SIRPB2: variants seen among roughly 807,000 people sequenced by gnomAD.
SIRPB2 encodes the protein signal regulatory protein beta 2.
Under a neutral mutation model 27.1 loss-of-function variants are expected in SIRPB2, and 18 were observed. The ratio of observed to expected loss-of-function variants is 0.66; its 90% CI spans 0.46 to 0.98. SIRPB2 has a LOEUF of 0.98. Ranked by LOEUF, SIRPB2 falls within the 50% of genes least tolerant of loss-of-function variation. The pLI is 0.00. For missense variants in SIRPB2, 420 were observed against 417.4 expected (o/e 1.01, Z -0.06); for synonymous variants, 150 against 164.6 (o/e 0.91, Z 0.68).
chr20:1,478,685 C>T (rs983544498), intron 2 of SIRPB2, 78 bp from the exon 3 acceptor site: 5 of 1,205,044 alleles, frequency 4.1e-6, no homozygotes, highest in South Asian at 1.6e-5. Flanking sequence ...GGTGTTTTCC[C>T]TCCCTTCCTT....
chr20:1,476,368 C>T, intron 4 of SIRPB2, 32 bp from the exon 5 acceptor site: 2 of 1,591,824 alleles, frequency 1.3e-6, no homozygotes, highest in Non-Finnish European at 1.7e-6. Context: ...TCAGGCGGGA[C>T]CCGTGGTGAG....
At chr20:1,476,903 G>A in intron 4 of SIRPB2, 1 of 1,162,890 alleles carries the variant, frequency 8.6e-7, no homozygotes, top group Non-Finnish European at 1.1e-6. Flanking sequence ...CATGAAGTAG[G>A]GTCTCTGATT....
At chr20:1,480,245 G>C (rs2090656734) in intron 1 of SIRPB2, 180 bp from the exon 2 acceptor site, 1 of 775,858 alleles carries the variant, frequency 1.3e-6, no homozygotes, top group South Asian at 2.0e-5. Context: ...AGAGAACTGA[G>C]CTATGCAATG....
In SIRPB2 at chr20:1,476,142, G is replaced by C. The variant is rs777278299; in HGVS notation, c.*25C>G. 7 of 1,605,844 alleles carry C rather than the reference G, an allele frequency of 4.4e-6. No individual in the cohort carries two copies. Among genetic ancestry groups the C allele is most frequent in the Non-Finnish European group, 5.9e-6 (7 of 1,177,604 alleles). On this transcript the variant is annotated 3_prime_UTR_variant, in exon 5 of 5. Transcript: ENST00000359801. ...AGCCCTGGCTCCTCTCCAACTCAGAGGGTCCTCACTCTGGGGCTGACCCCT... is the reference window on the plus strand; with the variant it reads ...AGCCCTGGCTCCTCTCCAACTCAGACGGTCCTCACTCTGGGGCTGACCCCT...
At chr20:1,479,394 T>C in intron 2 of SIRPB2, 1 of 392,564 alleles carries the variant, frequency 2.5e-6, no homozygotes, top group Non-Finnish European at 4.7e-6. Flanking sequence ...GCCAGTGGGC[T>C]GTTAGCAGAC....
At chr20:1,480,669 G>A (rs2090662816) in intron 1 of SIRPB2, among the ~76,000 whole-genome samples, 1 of 152,110 alleles carries the variant, frequency 6.6e-6, no homozygotes. Flanking sequence ...CTGAGGAGAG[G>A]CGCCTCAGAC....
chr20:1,489,663 T>C (rs2090758755), intron 1 of SIRPB2, among the ~76,000 whole-genome samples: 1 of 152,158 alleles, frequency 6.6e-6, no homozygotes, highest in Non-Finnish European at 1.5e-5. Context: ...TCATCTATTT[T>C]CCATCTGCAT....
At chr20:1,487,964 C>T (rs2123055457) in intron 1 of SIRPB2, among the ~76,000 whole-genome samples, 2 of 152,204 alleles carry the variant, frequency 1.3e-5, no homozygotes, top group Middle Eastern at 6.8e-3. Context: ...TATAACTAAA[C>T]ATAAAATGTT....
intron 1 of SIRPB2, among the ~76,000 whole-genome samples, chr20:1,487,543 G>A (rs770415471): frequency 6.6e-6 from 1 of 152,218 alleles, no homozygotes; most frequent in Non-Finnish European, 1.5e-5. Context: ...TAATGTTACA[G>A]TAATCAAGAC....
At chr20:1,472,427 G>A (rs1449720172), downstream of SIRPB2, among the ~76,000 whole-genome samples, 1 of 152,174 alleles carries the variant, frequency 6.6e-6, no homozygotes, top group African/African-American at 2.4e-5. Context: ...TTACAACTGA[G>A]TCTGTGGTGA....
intron 1 of SIRPB2, among the ~76,000 whole-genome samples, chr20:1,482,538 TCTTC>T (rs368666155): frequency 3.5e-4 from 52 of 149,464 alleles, no homozygotes; most frequent in East Asian, 1.2e-3. Context: ...TTTCTTCCTT[TCTTC>T]CTTCCTTCCT....
rs143201371 is a variant in SIRPB2, at chr20:1,480,711, T to C, written c.86-646A>G. On this transcript the variant is annotated intron_variant, in intron 1 of 4. Coordinates refer to ENST00000359801, the MANE Select transcript of SIRPB2 (RefSeq NM_001122962.2). ...GCCCTGCAGACATCTTGATCTCAGT[T>C]TCCAGCCTCCAGAATTGTGAGAAAT... is the stretch of plus-strand genomic sequence containing the variant. Among the ~76,000 whole-genome samples the C allele has an allele frequency of 4.2e-3, 634 of 152,248 alleles. 5 individuals carry two copies. Among genetic ancestry groups the C allele is most frequent in the Non-Finnish European group, 5.9e-3 (403 of 68,018 alleles).
intron 1 of SIRPB2, among the ~76,000 whole-genome samples, chr20:1,485,631 AACAC>A (rs752900716): frequency 7.1e-5 from 10 of 141,618 alleles, no homozygotes; most frequent in East Asian, 2.4e-4. Flanking sequence ...AATACAGTAG[AACAC>A]ACACACACAC....
At chr20:1,478,085 TGCTGGGCCTTGA>T in intron 3 of SIRPB2, 169 bp downstream of exon 3, 1 of 711,812 alleles carries the variant, frequency 1.4e-6, no homozygotes, top group Non-Finnish European at 2.5e-6. Flanking sequence ...GGGCCATTTG[TGCTGGGCCTTGA>T]AGGATGAGTA....
chr20:1,478,648 C>T, intron 2 of SIRPB2, 41 bp from the exon 3 acceptor site: 1 of 1,472,568 alleles, frequency 6.8e-7, no homozygotes, highest in Non-Finnish European at 9.1e-7. Context: ...TCCCTCTCCT[C>T]TTCCATCGTT....
In SIRPB2 at chr20:1,478,577, A is replaced by G. The variant is rs747450276; in HGVS notation, c.482T>C (p.Ile161Thr). 2 of 1,602,002 alleles carry G rather than the reference A, an allele frequency of 1.2e-6. No individual in the cohort carries two copies. Among genetic ancestry groups the G allele is most frequent in the Admixed American group, 1.7e-5 (1 of 59,184 alleles). Residue 161 changes from isoleucine to threonine, a missense_variant, in exon 3 of 5, where the codon ATC (isoleucine) becomes ACC (threonine). By Grantham distance (89) the Ile-to-Thr change is moderately conservative. Transcript: ENST00000359801. ...CAACACCAATTCCTGGGGCTGGATG[A>G]TCCACAGGTCTGGTTCAGGGTCCCC... Reference protein sequence around the residue: ...GAGDPEPDLWIIQPQELVLGT... With the variant: ...GAGDPEPDLWTIQPQELVLGT...
chr20:1,472,510 G>A (rs2122996112), downstream of SIRPB2, among the ~76,000 whole-genome samples: 1 of 152,226 alleles, frequency 6.6e-6, no homozygotes, highest in South Asian at 2.1e-4. Flanking sequence ...TCCTTGTCAT[G>A]GGGAGGATAG....
At chr20:1,481,649 A>C (rs997616473) in intron 1 of SIRPB2, among the ~76,000 whole-genome samples, 3 of 152,106 alleles carry the variant, frequency 2.0e-5, no homozygotes, top group Admixed American at 6.5e-5. Flanking sequence ...TGGAATTCTA[A>C]ATTCTATTTC....
chr20:1,475,776 CTG>C lies in SIRPB2; in HGVS notation c.*389_*390del. The C allele has an allele frequency of 4.3e-5, 6 of 140,268 alleles. No homozygotes were observed. The highest frequency in any genetic ancestry group is 3.5e-4 in the South Asian group (2 of 5,754). The allele number at this position is 140,268 out of a possible 1,614,324, so 8.7% of individuals were successfully genotyped here. On this transcript the variant is annotated 3_prime_UTR_variant, in exon 5 of 5. Coordinates refer to ENST00000359801, the MANE Select transcript of SIRPB2 (RefSeq NM_001122962.2). ...AGATGGAGGGGCACAGATGGTCTGG[CTG>C]GTTGAGTTCAGAGATTCTTACAGAC... is the stretch of plus-strand genomic sequence containing the variant.
Sources: gnomAD v4.1 joint callset for allele counts (sites outside exome capture counted in the v4.1 genomes callset) on GRCh38, gnomAD v4.1.1 for gene constraint, MANE v1.5 for transcripts, NCBI Gene and HGNC (gene_info 2026-07-23, HGNC 2026-07-21) for gene names.